Variants in KCNIP4 observed in about 807,000 individuals in gnomAD.
KCNIP4 encodes potassium voltage-gated channel interacting protein 4.
KCNIP4 carries 12 observed loss-of-function variants against 34.0 expected under a neutral mutation model. The observed-to-expected ratio is 0.35, with a 90% CI of 0.23 to 0.57. The LOEUF (loss-of-function observed/expected upper bound fraction) is 0.57. KCNIP4 is among the 20% of genes least tolerant of loss of function. KCNIP4 has a pLI of 0.83. For synonymous variants in KCNIP4, 124 were observed against 102.2 expected (o/e 1.21, Z -1.29); for missense variants, 238 against 311.7 (o/e 0.76, Z 1.78).
intron 1 of KCNIP4, among the ~76,000 whole-genome samples, chr4:21,401,502 T>A (rs1431019745): frequency 6.6e-6 from 1 of 152,158 alleles, no homozygotes; most frequent in Non-Finnish European, 1.5e-5. Context: ...GCAAGTTAAT[T>A]TGCCCATGTT....
intron 2 of KCNIP4, among the ~76,000 whole-genome samples, chr4:20,869,581 C>T (rs1723226735): frequency 6.6e-6 from 1 of 152,004 alleles, no homozygotes; most frequent in Non-Finnish European, 1.5e-5. Flanking sequence ...TCTGAGCTTT[C>T]CTTCTTGGGT....
At chr4:21,187,607 C>A (rs570531031) in intron 1 of KCNIP4, among the ~76,000 whole-genome samples, 1 of 152,270 alleles carries the variant, frequency 6.6e-6, no homozygotes, top group East Asian at 1.9e-4. Context: ...GAGGAGAATT[C>A]CTTGTCAGGA....
At chr4:21,944,638 A>G (rs147194619) in intron 1 of KCNIP4, among the ~76,000 whole-genome samples, 3 of 152,068 alleles carry the variant, frequency 2.0e-5, no homozygotes, top group Non-Finnish European at 4.4e-5. Flanking sequence ...GAAAGGCTTC[A>G]TTCATTCAAT....
At position 21,437,923 on chromosome 4, in the gene KCNIP4, G is replaced by GTGTGTT. The variant is rs1727094102; in HGVS notation, c.61+510647_61+510648insAACACA. Among the ~76,000 whole-genome samples, 3 of 130,788 alleles carry GTGTGTT rather than the reference G, an allele frequency of 2.3e-5. No homozygotes were observed. The South Asian group carries it at 7.5e-4, about 33-fold the overall frequency. The allele number at this position is 130,788 out of a possible 152,430, so 85.8% of individuals were successfully genotyped here. On this transcript the variant is annotated intron_variant, in intron 1 of 8. Coordinates refer to ENST00000382152, the MANE Select transcript of KCNIP4 (RefSeq NM_025221.6). The stretch of plus-strand genomic sequence containing the variant: ...TGTGTGTGTGTGTGTGTGTGTGTGT[G>GTGTGTT]TTTGGTTACTGATCTGAAGGAGAAT...
chr4:21,448,535 T>G (rs1223099424), intron 1 of KCNIP4, among the ~76,000 whole-genome samples: 3 of 152,134 alleles, frequency 2.0e-5, no homozygotes, highest in Non-Finnish European at 4.4e-5. Context: ...TTCTCATGGC[T>G]TATAGTAAAA....
intron 1 of KCNIP4, among the ~76,000 whole-genome samples, chr4:21,120,350 G>A (rs1750047726): frequency 6.6e-6 from 1 of 152,156 alleles, no homozygotes; most frequent in Non-Finnish European, 1.5e-5. Flanking sequence ...CCAGTAGAGT[G>A]TTTTCTTCTG....
At chr4:20,802,853 C>T (rs1714517095) in intron 3 of KCNIP4, among the ~76,000 whole-genome samples, 1 of 151,896 alleles carries the variant, frequency 6.6e-6, no homozygotes, top group Non-Finnish European at 1.5e-5. Flanking sequence ...GGCGGGCGGA[C>T]CACGAGGTCA....
chr4:21,654,275 C>G (rs1328786106), intron 1 of KCNIP4, among the ~76,000 whole-genome samples: 1 of 152,160 alleles, frequency 6.6e-6, no homozygotes, highest in African/African-American at 2.4e-5. Flanking sequence ...AGTTCCTTGC[C>G]ACTTGCTGAC....
At chr4:21,798,426 T>TATA (rs55661046) in intron 1 of KCNIP4, among the ~76,000 whole-genome samples, 1 of 143,240 alleles carries the variant, frequency 7.0e-6, no homozygotes, top group Non-Finnish European at 1.5e-5. Context: ...TATATATATA[T>TATA]TTGCTGGGTG....
chr4:21,717,394 T>C (rs914227302), intron 1 of KCNIP4, among the ~76,000 whole-genome samples: 1 of 152,170 alleles, frequency 6.6e-6, no homozygotes, highest in Non-Finnish European at 1.5e-5. Flanking sequence ...ATTTGCTATA[T>C]ATTAACTATA....
At chr4:21,781,029 G>A (rs1348594197) in intron 1 of KCNIP4, among the ~76,000 whole-genome samples, 1 of 151,970 alleles carries the variant, frequency 6.6e-6, no homozygotes, top group Non-Finnish European at 1.5e-5. Context: ...ACACCACTCT[G>A]GTCTGACCCC....
intron 1 of KCNIP4, among the ~76,000 whole-genome samples, chr4:21,025,542 T>TG: frequency 2.7e-5 from 2 of 73,486 alleles, no homozygotes; most frequent in Non-Finnish European, 5.5e-5. Flanking sequence ...TCATTGATAC[T>TG]GTTTTTTTTT....
chr4:20,740,391 C>T (rs1352953588), intron 5 of KCNIP4, among the ~76,000 whole-genome samples: 1 of 152,164 alleles, frequency 6.6e-6, no homozygotes, highest in East Asian at 1.9e-4. Flanking sequence ...TCGGCAGAAA[C>T]TTTACAAGCC....
At chr4:21,200,312 A>G (rs1560803191) in intron 1 of KCNIP4, among the ~76,000 whole-genome samples, 2 of 111,606 alleles carry the variant, frequency 1.8e-5, no homozygotes, top group Non-Finnish European at 1.7e-5. Context: ...ATATATATAC[A>G]TACATATATG....
At chr4:21,632,272 G>C (rs1046881331) in intron 1 of KCNIP4, among the ~76,000 whole-genome samples, 1 of 152,056 alleles carries the variant, frequency 6.6e-6, no homozygotes, top group African/African-American at 2.4e-5. Context: ...GGAGTGCAAT[G>C]GTGTGATCTC....
chr4:21,181,462 A>G (rs545518265), intron 1 of KCNIP4, among the ~76,000 whole-genome samples: 1 of 152,222 alleles, frequency 6.6e-6, no homozygotes, highest in East Asian at 1.9e-4. Flanking sequence ...GGAGTATCAC[A>G]TGGATTGCAC....
intron 2 of KCNIP4, among the ~76,000 whole-genome samples, chr4:20,864,049 T>TATGC (rs1158633866): frequency 7.8e-6 from 1 of 128,406 alleles, no homozygotes. Context: ...TATACGCATG[T>TATGC]ATGTATACAC....
intron 1 of KCNIP4, among the ~76,000 whole-genome samples, chr4:21,236,548 T>C (rs1759371745): frequency 6.6e-6 from 1 of 152,208 alleles, no homozygotes; most frequent in South Asian, 2.1e-4. Flanking sequence ...CTTCATTTTA[T>C]GCTGATTTAG....
intron 1 of KCNIP4, among the ~76,000 whole-genome samples, chr4:21,186,130 A>T (rs976455118): frequency 6.6e-6 from 1 of 152,148 alleles, no homozygotes; most frequent in Admixed American, 6.5e-5. Flanking sequence ...TATATCCTCA[A>T]TATCCCTTTT....
Sources: allele counts gnomAD v4.1 joint callset (sites outside exome capture counted in the v4.1 genomes callset), GRCh38; gene constraint gnomAD v4.1.1; transcripts MANE v1.5; gene names NCBI Gene and HGNC (gene_info 2026-07-23, HGNC 2026-07-21).